NTRK2: variants seen among roughly 807,000 people sequenced by gnomAD.
NTRK2 encodes the protein neurotrophic receptor tyrosine kinase 2, also known as BDNF/NT-3 growth factors receptor.
NTRK2 carries 13 observed loss-of-function variants against 94.5 expected under a neutral mutation model. The observed-to-expected ratio is 0.14, with a 90% CI of 0.09 to 0.22. The LOEUF is 0.22. Ranked by LOEUF, NTRK2 falls within the 10% of genes least tolerant of loss-of-function variation. The pLI is 1.00. For synonymous variants in NTRK2, 372 were observed against 407.4 expected (o/e 0.91, Z 1.05); for missense variants, 639 against 1,071.2 (o/e 0.60, Z 5.63).
intron 17 of NTRK2, among the ~76,000 whole-genome samples, chr9:84,957,619 G>T (rs998009292): frequency 6.6e-6 from 1 of 152,188 alleles, no homozygotes; most frequent in African/African-American, 2.4e-5. Context: ...CAGAAAAATT[G>T]AAACTCTGGT....
chr9:85,020,928 A>G (rs554394947), intron 18 of NTRK2, among the ~76,000 whole-genome samples: 1 of 152,272 alleles, frequency 6.6e-6, no homozygotes, highest in South Asian at 2.1e-4. Context: ...GTGCCTTAAC[A>G]CCCAGGTGAC....
intron 12 of NTRK2, among the ~76,000 whole-genome samples, chr9:84,857,106 T>G (rs932944674): frequency 2.6e-5 from 3 of 113,744 alleles, no homozygotes; most frequent in East Asian, 2.9e-4. Flanking sequence ...TGAAAAAGTG[T>G]TTTTTTTTTG....
At chr9:84,710,840 A>T (rs200198972) in intron 6 of NTRK2, 49 bp downstream of exon 6, 1 of 1,594,134 alleles carries the variant, frequency 6.3e-7, no homozygotes, top group Non-Finnish European at 8.6e-7. Flanking sequence ...AATTATTCTC[A>T]TTGCCTTGGT....
intron 12 of NTRK2, chr9:84,812,072 A>G: frequency 9.4e-7 from 1 of 1,060,208 alleles, no homozygotes; most frequent in Non-Finnish European, 1.1e-6. Context: ...TTTTTTTGGA[A>G]ATAGTTGCAC....
At chr9:84,799,703 A>T (rs2070151916) in intron 12 of NTRK2, among the ~76,000 whole-genome samples, 1 of 152,046 alleles carries the variant, frequency 6.6e-6, no homozygotes, top group South Asian at 2.1e-4. Flanking sequence ...TATGAGAATG[A>T]TCTCTGGCAT....
intron 12 of NTRK2, among the ~76,000 whole-genome samples, chr9:84,763,880 G>T (rs963959932): frequency 4.0e-5 from 6 of 151,684 alleles, no homozygotes; most frequent in Non-Finnish European, 8.8e-5. Context: ...CTAGAACATG[G>T]CTTCTCTTTT....
intron 17 of NTRK2, among the ~76,000 whole-genome samples, chr9:84,994,066 T>A (rs1193331760): frequency 1.3e-5 from 2 of 152,170 alleles, no homozygotes; most frequent in Non-Finnish European, 1.5e-5. Flanking sequence ...TGAATCCACA[T>A]CCTTTAGCCA....
At chr9:84,669,042 G>T (rs1224008213), upstream of NTRK2, among the ~76,000 whole-genome samples, 1 of 152,138 alleles carries the variant, frequency 6.6e-6, no homozygotes, top group African/African-American at 2.4e-5. This position sits in a 1 kb window ranked among gnomAD's most constrained non-coding sequence, Gnocchi z 4.1. Flanking sequence ...CACTTAGAGA[G>T]CTAGAATTGT....
intron 12 of NTRK2, among the ~76,000 whole-genome samples, chr9:84,775,407 A>G (rs1434294020): frequency 6.6e-6 from 1 of 152,184 alleles, no homozygotes; most frequent in Non-Finnish European, 1.5e-5. Context: ...TGTTATGCTT[A>G]GCCCATCAGC....
chr9:84,835,719 A>G (rs2073834555), intron 12 of NTRK2, among the ~76,000 whole-genome samples: 2 of 152,250 alleles, frequency 1.3e-5, no homozygotes, highest in Non-Finnish European at 2.9e-5. Context: ...AGGCTGACCC[A>G]GGGAAGCCAG....
chr9:84,820,829 T>A (rs1315655592), intron 12 of NTRK2, among the ~76,000 whole-genome samples: 1 of 152,194 alleles, frequency 6.6e-6, no homozygotes, highest in Non-Finnish European at 1.5e-5. Flanking sequence ...GTAATGTGTA[T>A]AATATTGATA....
At chr9:84,727,454 G>A (rs1204579198) in intron 8 of NTRK2, among the ~76,000 whole-genome samples, 200 bp from the exon 9 acceptor site, 2 of 152,166 alleles carry the variant, frequency 1.3e-5, no homozygotes, top group African/African-American at 4.8e-5. Flanking sequence ...AGAGAAAGGA[G>A]TCTCTCTGAA....
chr9:84,797,536 A>ATATATAATATATATATTATATATAC (rs2069488295), intron 12 of NTRK2, among the ~76,000 whole-genome samples: 1 of 79,568 alleles, frequency 1.3e-5, no homozygotes, highest in East Asian at 3.2e-4. Context: ...ATAATAATGT[A>ATATATAATATATATATTATATATAC]TATATAATAT....
intron 2 of NTRK2, among the ~76,000 whole-genome samples, chr9:84,679,741 G>T (rs992930859): frequency 2.6e-5 from 4 of 152,228 alleles, no homozygotes; most frequent in African/African-American, 4.8e-5. Context: ...CACTCCAGGG[G>T]CAAACAAGAG....
chr9:85,016,250 G>T (rs192058418), intron 17 of NTRK2, among the ~76,000 whole-genome samples: 85 of 152,272 alleles, frequency 5.6e-4, no homozygotes, highest in African/African-American at 1.9e-3. Flanking sequence ...TGCTCAAGCT[G>T]GTTAATAGCA....
intron 3 of NTRK2, 24 bp downstream of exon 3, chr9:84,702,257 A>G (rs772720745): frequency 3.1e-6 from 5 of 1,613,262 alleles, no homozygotes; most frequent in Non-Finnish European, 4.2e-6. Flanking sequence ...ACCAGGGCAC[A>G]TTATCTCAGA....
chr9:84,886,419 T>G (rs2076416388), intron 14 of NTRK2, among the ~76,000 whole-genome samples: 1 of 152,204 alleles, frequency 6.6e-6, no homozygotes, highest in Non-Finnish European at 1.5e-5. Flanking sequence ...TGGAGAAATG[T>G]AATTGCCACC....
At chr9:85,003,230 C>T (rs1478753204) in intron 17 of NTRK2, among the ~76,000 whole-genome samples, 1 of 152,048 alleles carries the variant, frequency 6.6e-6, no homozygotes, top group Non-Finnish European at 1.5e-5. Context: ...ATGGAGGAAG[C>T]AGTCATAATT....
At chr9:84,858,422 C>T (rs1021951924) in intron 12 of NTRK2, among the ~76,000 whole-genome samples, 1 of 151,806 alleles carries the variant, frequency 6.6e-6, no homozygotes, top group Non-Finnish European at 1.5e-5. Context: ...CTTGTACTTC[C>T]CATTTCCCTC....
Sources: gnomAD v4.1 joint callset for allele counts (sites outside exome capture counted in the v4.1 genomes callset) on GRCh38, gnomAD v4.1.1 for gene constraint, Gnocchi (gnomAD v3.1) non-coding constraint, MANE v1.5 for transcripts, NCBI Gene and HGNC (gene_info 2026-07-23, HGNC 2026-07-21) for gene names.